Variants in ZNF304 observed in about 807,000 individuals in gnomAD.
ZNF304 encodes KRAB-containing zinc finger protein.
Under a neutral mutation model 7.8 loss-of-function variants are expected in ZNF304, and 7 were observed. The observed-to-expected ratio is 0.90, with a 90% CI of 0.51 to 1.69. The LOEUF is 1.69. Ranked by LOEUF, ZNF304 falls within the 40% of genes most tolerant of loss-of-function variation. ZNF304 has a pLI of 0.00. For synonymous variants in ZNF304, 280 were observed against 272.4 expected, an observed-to-expected ratio of 1.03 and a Z score of -0.27; for missense variants, 669 against 804.8, an observed-to-expected ratio of 0.83 and a Z score of 2.04.
chr19:57,352,875 C>T (rs1363957072), intron 1 of ZNF304: 1 of 152,100 alleles, frequency 6.6e-6, no homozygotes, highest in Non-Finnish European at 1.5e-5. Context: ...ATGAAAATGC[C>T]ATCAACTGAG....
chr19:57,356,773 A>G lies in ZNF304; in HGVS notation c.904A>G (p.Thr302Ala), dbSNP rs1235022860. ...HHLKMHQKFH[T>A]GKRHYTCSEC... ...CCTAAAAATGCACCAGAAATTTCACACTGGAAAAAGACACTATACATGCAG... is the reference window on the plus strand; with the variant it reads ...CCTAAAAATGCACCAGAAATTTCACGCTGGAAAAAGACACTATACATGCAG... Residue 302 changes from threonine to alanine, a missense_variant, in exon 3 of 3, where the codon ACT (threonine) becomes GCT (alanine). By Grantham distance (58) the Thr-to-Ala change is moderately conservative. Transcript: ENST00000282286. 2 of 1,614,242 alleles carry G rather than the reference A, an allele frequency of 1.2e-6. No homozygotes were observed. Among genetic ancestry groups the G allele is most frequent in the Admixed American group, 3.3e-5 (2 of 60,024 alleles).
chr19:57,357,527 A>G lies in ZNF304; in HGVS notation c.1658A>G (p.His553Arg), dbSNP rs1471911174. The G allele has an allele frequency of 5.6e-6, 9 of 1,613,716 alleles. No homozygotes were observed. Among genetic ancestry groups the G allele is most frequent in the African/African-American group, 5.3e-5 (4 of 74,910 alleles). Residue 553 changes from histidine (H) to arginine (R), a missense_variant, in exon 3 of 3, where the codon CAC (histidine) becomes CGC (arginine). Physicochemically the swap from His to Arg is conservative, Grantham distance 29. Coordinates refer to ENST00000282286, the MANE Select transcript of ZNF304 (RefSeq NM_020657.4). Reference protein sequence around the residue: ...NSSLILHQRVHTGARPYVCSE... With the variant: ...NSSLILHQRVRTGARPYVCSE... ...AGCCTCATTTTGCACCAGAGAGTTC[A>G]CACAGGAGCAAGGCCTTATGTGTGC...
Position 57,351,741 on chromosome 19 carries a change from T to C in ZNF304, c.33+44T>C. On this transcript the variant is annotated intron_variant, in intron 1 of 2. Transcript: ENST00000282286. This position sits in a 1 kb window ranked among gnomAD's most constrained non-coding sequence, Gnocchi z 4.1. The stretch of plus-strand genomic sequence containing the variant: ...CAAGCGCACCCCGGCCTGGTTGGTG[T>C]GTCCTGGGATGTTCGCTCTCATCGC... 1 of 1,569,516 alleles carries C rather than the reference T, an allele frequency of 6.4e-7. No individual in the cohort carries two copies. Among genetic ancestry groups the C allele is most frequent in the Non-Finnish European group, 8.7e-7 (1 of 1,153,996 alleles).
In ZNF304 at chr19:57,353,164, C is replaced by A. The variant is rs143124522; in HGVS notation, c.34-561C>A. Among the ~76,000 whole-genome samples, 324 of 152,274 alleles carry A rather than the reference C, an allele frequency of 2.1e-3. 2 individuals carry two copies. The highest frequency in any genetic ancestry group is 7.5e-3 in the African/African-American group (310 of 41,564). ...GAGAAAACTGGGTCTGTTGCTTAGG[C>A]ACCTGGACGGCAGTGGTGGATAGTG... On this transcript the variant is annotated intron_variant, in intron 1 of 2. Coordinates refer to ENST00000282286, the MANE Select transcript of ZNF304 (RefSeq NM_020657.4).
intron 2 of ZNF304, among the ~76,000 whole-genome samples, chr19:57,354,260 C>T (rs1053807181): frequency 5.9e-5 from 9 of 152,196 alleles, no homozygotes; most frequent in African/African-American, 1.4e-4. Context: ...TCCTCCTTGG[C>T]CTCCCAAAGT....
In ZNF304 at chr19:57,353,808, C is replaced by T; in HGVS notation, c.117C>T (p.Tyr39=). 6.2e-7 allele frequency: 1 copy of T among 1,612,914 alleles called. No homozygotes were observed. The highest frequency in any genetic ancestry group is 8.5e-7 in the Non-Finnish European group (1 of 1,179,406). Residue 39 remains tyrosine (Y), a synonymous_variant, in exon 2 of 3, where the codon TAC becomes TAT. Coordinates refer to ENST00000282286, the MANE Select transcript of ZNF304 (RefSeq NM_020657.4). ...ELLEEAQRFL[Y]RDVMLENFAL... Reference sequence around the variant, plus strand: ...TTGAGGAGGCACAGAGATTCCTGTACCGTGATGTGATGCTGGAGAACTTTG... The same window carrying T: ...TTGAGGAGGCACAGAGATTCCTGTATCGTGATGTGATGCTGGAGAACTTTG...
intron 2 of ZNF304, among the ~76,000 whole-genome samples, chr19:57,354,526 T>A (rs1275945594): frequency 6.6e-6 from 1 of 152,232 alleles, no homozygotes; most frequent in Non-Finnish European, 1.5e-5. Flanking sequence ...TTGTACCTTA[T>A]GACACAGAAG....
chr19:57,355,092 T>C (rs2088318149), intron 2 of ZNF304, among the ~76,000 whole-genome samples: 1 of 152,246 alleles, frequency 6.6e-6, no homozygotes, highest in African/African-American at 2.4e-5. Flanking sequence ...ATCCTCTGGC[T>C]GACATTTCCT....
Position 57,357,263 on chromosome 19 carries a change from A to G in ZNF304, c.1394A>G (p.His465Arg). The G allele has an allele frequency of 6.2e-7, 1 of 1,614,218 alleles. No homozygotes were observed. Among genetic ancestry groups the G allele is most frequent in the Non-Finnish European group, 8.5e-7 (1 of 1,180,042 alleles). ...AFGCKDTLVQHQIIHTGARPY... is the reference protein window; with the variant it reads ...AFGCKDTLVQRQIIHTGARPY... ...GGCTGCAAAGACACACTTGTTCAGC[A>G]CCAGATAATTCACACTGGAGCAAGG... The change falls in exon 3 of 3, where the codon CAC becomes CGC. Residue 465 changes from histidine to arginine, a missense_variant. Physicochemically the swap from His to Arg is conservative, Grantham distance 29. Coordinates refer to ENST00000282286, the MANE Select transcript of ZNF304 (RefSeq NM_020657.4).
intron 2 of ZNF304, among the ~76,000 whole-genome samples, chr19:57,354,233 T>C (rs902068607): frequency 6.6e-6 from 1 of 152,162 alleles, no homozygotes; most frequent in African/African-American, 2.4e-5. Context: ...CTAGAGCTCC[T>C]GACCTCAAGC....
chr19:57,355,311 G>A, intron 2 of ZNF304: 1 of 765,314 alleles, frequency 1.3e-6, no homozygotes, highest in South Asian at 1.3e-5. Context: ...CAGTTGGAGG[G>A]GGCAGAAAAC....
At chr19:57,355,384 G>A in intron 2 of ZNF304, 1 of 764,790 alleles carries the variant, frequency 1.3e-6, no homozygotes, top group Non-Finnish European at 2.4e-6. Context: ...CAGAGGGCAT[G>A]GCCCTGCTGA....
At chr19:57,353,094 G>A (rs2088294953) in intron 1 of ZNF304, among the ~76,000 whole-genome samples, 1 of 152,164 alleles carries the variant, frequency 6.6e-6, no homozygotes, top group Admixed American at 6.5e-5. Context: ...TCAAATCATG[G>A]TGGTAATGCT....
Position 57,351,583 on chromosome 19 carries a change from A to G in ZNF304, c.-82A>G, listed in dbSNP as rs1323084495. Reference sequence around the variant, plus strand: ...GGTAGATTGAGACTTGGAGTGCTACACTCAGCCCGAGGGCGTCCAGCGCGG... The same window carrying G: ...GGTAGATTGAGACTTGGAGTGCTACGCTCAGCCCGAGGGCGTCCAGCGCGG... On this transcript the variant is annotated 5_prime_UTR_variant, in exon 1 of 3. Transcript: ENST00000282286. The surrounding 1 kb of genome is among the most constrained non-coding windows in gnomAD (Gnocchi z 4.1). 2.6e-6 allele frequency: 4 copies of G among 1,551,536 alleles called. No individual in the cohort carries two copies. In the Admixed American group the frequency reaches 5.0e-5, roughly 19 times the overall value.
rs995323195 is a variant in ZNF304 at position 57,358,551 on chromosome 19, A to G, written c.*702A>G. On this transcript the variant is annotated 3_prime_UTR_variant, in exon 3 of 3. Transcript: ENST00000282286. ...TGTTACTGTGTAGAGTGGATTGAGA[A>G]AAGAATTGGGTTCTGTCATGAAGGG... The G allele has an allele frequency of 6.6e-5, 10 of 152,260 alleles. No individual in the cohort carries two copies. Among genetic ancestry groups the G allele is most frequent in the Non-Finnish European group, 1.3e-4 (9 of 68,080 alleles). The allele number at this position is 152,260 out of a possible 1,614,324, so 9.4% of individuals were successfully genotyped here. A position where few individuals can be genotyped will look rare whatever the true frequency, so the allele number is the denominator to read the frequency against.
rs146642030 is a variant in ZNF304, at chr19:57,357,211, G to A, written c.1342G>A (p.Val448Met). 102 of 1,613,490 alleles carry A rather than the reference G, an allele frequency of 6.3e-5. 1 individual carries two copies. In the South Asian group the frequency reaches 6.8e-4, roughly 11 times the overall value. The change falls in exon 3 of 3, where the codon GTG becomes ATG. Residue 448 changes from valine (V) to methionine (M), a missense_variant. Physicochemically the swap from Val to Met is conservative, Grantham distance 21. Coordinates refer to ENST00000282286, the MANE Select transcript of ZNF304 (RefSeq NM_020657.4). The part of the protein sequence containing the change: ...RRVHTGARSY[V>M]CSKCGKAFGC... Reference sequence around the variant, plus strand: ...AGTCCACACAGGAGCAAGATCCTACGTGTGCAGCAAATGTGGGAAGGCCTT... The same window carrying A: ...AGTCCACACAGGAGCAAGATCCTACATGTGCAGCAAATGTGGGAAGGCCTT...
Position 57,357,366 on chromosome 19 carries a change from A to G in ZNF304, c.1497A>G (p.Gly499=). 3 of 1,614,112 alleles carry G rather than the reference A, an allele frequency of 1.9e-6. No homozygotes were observed. The highest frequency in any genetic ancestry group is 2.2e-5 in the South Asian group (2 of 91,072). The part of the protein sequence containing the change: ...TLVQHQKIHT[G]ERPYECGECG... ...TGCAACACCAAAAAATCCACACTGG[A>G]GAAAGGCCTTATGAGTGTGGTGAAT... Residue 499 remains glycine, a synonymous_variant, in exon 3 of 3, where the codon GGA becomes GGG. Coordinates refer to ENST00000282286, the MANE Select transcript of ZNF304 (RefSeq NM_020657.4).
Position 57,355,664 on chromosome 19 carries a change from C to T in ZNF304, c.161-366C>T, listed in dbSNP as rs866561780. 1.3e-4 allele frequency among the ~76,000 whole-genome samples: 20 copies of T among 152,230 alleles called. No individual in the cohort carries two copies. The East Asian group carries it at 2.1e-3, about 16-fold the overall frequency. On this transcript the variant is annotated intron_variant, in intron 2 of 2. Coordinates refer to ENST00000282286, the MANE Select transcript of ZNF304 (RefSeq NM_020657.4). ...CATGAGTTCTGCACATTAAATAGTC[C>T]GTGAGAATGAGCTACTTATTTGGAG...
At position 57,357,864 on chromosome 19, in the gene ZNF304, C is replaced by T. The variant is rs1309800444; in HGVS notation, c.*15C>T. 3.2e-6 allele frequency: 5 copies of T among 1,576,798 alleles called. No individual in the cohort carries two copies. In the African/African-American group the frequency reaches 5.5e-5, roughly 17 times the overall value. On this transcript the variant is annotated 3_prime_UTR_variant, in exon 3 of 3. Transcript: ENST00000282286. ...AACTTGTTTAACACCAGAAAATTCA[C>T]ACAAGAGAAAGGCCTTATGAATGCA...
Sources: allele counts gnomAD v4.1 joint callset (sites outside exome capture counted in the v4.1 genomes callset), GRCh38; gene constraint gnomAD v4.1.1; non-coding constraint Gnocchi (gnomAD v3.1); transcripts MANE v1.5; gene names NCBI Gene and HGNC (gene_info 2026-07-23, HGNC 2026-07-21).